PARP4: variants seen among roughly 807,000 people sequenced by gnomAD.
The protein encoded by PARP4 is protein mono-ADP-ribosyltransferase PARP4.
A neutral mutation model predicts 187.7 loss-of-function variants in PARP4; 120 were observed. That is an observed-to-expected ratio of 0.64 (90% CI 0.55 to 0.74). The LOEUF (loss-of-function observed/expected upper bound fraction) is 0.74. Among genes scored for constraint, PARP4 ranks in the 30% least tolerant of loss-of-function variants. The pLI, the probability that PARP4 is intolerant of heterozygous loss-of-function variation, is 0.00. For missense variants in PARP4, 1,836 were observed against 2,070.5 expected (o/e 0.89, Z 2.20); for synonymous variants, 654 against 740.9 (o/e 0.88, Z 1.90).
chr13:24,458,406 G>GTTT (rs1415042982), intron 20 of PARP4, among the ~76,000 whole-genome samples: 9 of 149,108 alleles, frequency 6.0e-5, no homozygotes, highest in South Asian at 2.1e-4. Context: ...ACCGCACTCA[G>GTTT]CCAAGTTTTT....
At chr13:24,461,059 G>A (rs1433919678) in intron 17 of PARP4, among the ~76,000 whole-genome samples, 1 of 152,096 alleles carries the variant, frequency 6.6e-6, no homozygotes, top group Non-Finnish European at 1.5e-5. Context: ...TGACTAGCTA[G>A]GGCAGAAAAA....
At chr13:24,453,041 TCTC>T in intron 23 of PARP4, among the ~76,000 whole-genome samples, 1 of 152,252 alleles carries the variant, frequency 6.6e-6, no homozygotes, top group Middle Eastern at 3.4e-3. Context: ...TTCAAGCGAT[TCTC>T]CTGCCTCAGC....
Position 24,433,391 on chromosome 13 carries a change from C to T in PARP4, c.4746+1004G>A, listed in dbSNP as rs567213406. ...TTTCTCTCTCAAACTGTCTTTTTCT[C>T]AATCCTTTGACTCCACTGGACTTTG... On this transcript the variant is annotated intron_variant, in intron 31 of 33. Transcript: ENST00000381989. Among the ~76,000 whole-genome samples the T allele has an allele frequency of 9.9e-5, 15 of 152,284 alleles. 1 individual carries two copies. The South Asian group carries it at 1.2e-3, about 13-fold the overall frequency.
At chr13:24,445,441 A>G (rs1871162888) in intron 27 of PARP4, among the ~76,000 whole-genome samples, 1 of 151,938 alleles carries the variant, frequency 6.6e-6, no homozygotes, top group Non-Finnish European at 1.5e-5. Context: ...GGGGAGAGTT[A>G]ATCACCAATG....
At chr13:24,464,404 A>G (rs1412554591) in intron 17 of PARP4, among the ~76,000 whole-genome samples, 2 of 152,214 alleles carry the variant, frequency 1.3e-5, no homozygotes, top group Non-Finnish European at 2.9e-5. Flanking sequence ...ACTATACTAC[A>G]AGGCTACAGT....
At chr13:24,496,059 A>G (rs898733088) in intron 6 of PARP4, among the ~76,000 whole-genome samples, 2 of 151,682 alleles carry the variant, frequency 1.3e-5, no homozygotes, top group South Asian at 2.1e-4. Flanking sequence ...TTCTTTCTCA[A>G]TGAAGAAAAC....
At chr13:24,500,527 A>AATGAGGAAGGTATATTGT in intron 3 of PARP4, 145 bp from the exon 4 acceptor site, 1 of 461,974 alleles carries the variant, frequency 2.2e-6, no homozygotes, top group Non-Finnish European at 3.9e-6. Flanking sequence ...CCCAGTGGGA[A>AATGAGGAAGGTATATTGT]AAGAGGAAGG....
intron 11 of PARP4, among the ~76,000 whole-genome samples, chr13:24,485,080 A>G (rs1257670291): frequency 6.6e-6 from 1 of 152,214 alleles, no homozygotes; most frequent in Admixed American, 6.5e-5. Flanking sequence ...TTGATTTTAA[A>G]TATTTAAATA....
intron 30 of PARP4, 29 bp from the exon 31 acceptor site, chr13:24,435,503 A>G: frequency 5.9e-6 from 9 of 1,536,532 alleles, no homozygotes; most frequent in Non-Finnish European, 7.8e-6. Context: ...TATTAACGTA[A>G]GGGGAAAACA....
At chr13:24,503,915 T>C (rs1250092215) in intron 1 of PARP4, 138 bp from the exon 2 acceptor site, 2 of 699,542 alleles carry the variant, frequency 2.9e-6, no homozygotes, top group East Asian at 5.2e-5. Flanking sequence ...AATAGAACAT[T>C]GCAAAAATTG....
chr13:24,508,100 T>C (rs1313717707), intron 1 of PARP4, among the ~76,000 whole-genome samples: 3 of 152,152 alleles, frequency 2.0e-5, no homozygotes, highest in Non-Finnish European at 4.4e-5. Flanking sequence ...AGGGATGAAA[T>C]GAGGGGTACC....
In PARP4 at chr13:24,434,569, TTC is replaced by T. The variant is rs752553919; in HGVS notation, c.4570_4571del (p.Glu1524LysfsTer2). The T allele has an allele frequency of 9.9e-6, 16 of 1,613,242 alleles. No individual in the cohort carries two copies. The highest frequency in any genetic ancestry group is 1.1e-5 in the South Asian group (1 of 91,036). On this transcript the variant is annotated frameshift_variant, in exon 31 of 34. Transcript: ENST00000381989. LOFTEE classifies it high-confidence loss of function. ...GAAGTACTTCTGATAGCTCATCACT[TTC>T]TGTGTCAGAACTTTGAAAAGCAAAG... ...PVFAFQSSDTESDELSEVLQD... is the reference protein window; with the variant it reads ...PVFAFQSSDTXSDELSEVLQD...
chr13:24,458,754 A>G (rs189892328), intron 20 of PARP4, among the ~76,000 whole-genome samples: 4 of 152,294 alleles, frequency 2.6e-5, no homozygotes, highest in Admixed American at 2.6e-4. Flanking sequence ...TACACGTCCA[A>G]CTTCCAAAAC....
At chr13:24,501,576 C>T in intron 3 of PARP4, 57 bp downstream of exon 3, 3 of 1,207,118 alleles carry the variant, frequency 2.5e-6, no homozygotes, top group South Asian at 1.3e-5. Flanking sequence ...CTTTGACAAA[C>T]CCAAGCGTGT....
At chr13:24,442,745 A>G in intron 28 of PARP4, 60 bp from the exon 29 acceptor site, 1 of 912,718 alleles carries the variant, frequency 1.1e-6, no homozygotes, top group Non-Finnish European at 1.8e-6. Context: ...TATGTCAGTA[A>G]ATCATTTTAA....
chr13:24,488,762 C>G (rs187447903), intron 10 of PARP4, among the ~76,000 whole-genome samples: 1 of 152,184 alleles, frequency 6.6e-6, no homozygotes. Flanking sequence ...GTAATCACCA[C>G]CTCTAGTTCC....
chr13:24,426,882 ACT>A (rs1870082044), intron 32 of PARP4, among the ~76,000 whole-genome samples: 1 of 106,932 alleles, frequency 9.4e-6, no homozygotes, highest in Non-Finnish European at 1.8e-5. Context: ...ACAGAGTGAG[ACT>A]CTGTCTCAAA....
intron 17 of PARP4, among the ~76,000 whole-genome samples, chr13:24,465,295 C>A (rs1390654622): frequency 6.6e-6 from 1 of 152,142 alleles, no homozygotes; most frequent in African/African-American, 2.4e-5. Flanking sequence ...TGGGTATATA[C>A]CCAAAGGAAT....
At chr13:24,501,890 G>A (rs1477256239) in intron 2 of PARP4, 56 bp from the exon 3 acceptor site, 2 of 1,019,964 alleles carry the variant, frequency 2.0e-6, no homozygotes, top group African/African-American at 1.6e-5. Context: ...ATTTAAATAA[G>A]ATATTTGTAT....
Sources: allele counts gnomAD v4.1 joint callset (sites outside exome capture counted in the v4.1 genomes callset), GRCh38; gene constraint gnomAD v4.1.1; transcripts MANE v1.5; gene names NCBI Gene and HGNC (gene_info 2026-07-23, HGNC 2026-07-21).